Variants in CTNNA3 observed in about 807,000 individuals in gnomAD.
CTNNA3 encodes catenin alpha-3.
Under a neutral mutation model 95.7 loss-of-function variants are expected in CTNNA3, and 76 were observed. The ratio of observed to expected loss-of-function variants is 0.79; its 90% CI spans 0.66 to 0.96. The LOEUF is 0.96. Among genes scored for constraint, CTNNA3 ranks in the 40% least tolerant of loss-of-function variants. The probability of loss-of-function intolerance (pLI) is 0.00; values close to 1 mark genes in which losing one functional copy is unlikely to be tolerated. For missense variants in CTNNA3, 1,191 were observed against 1,089.8 expected (o/e 1.09, Z -1.31); for synonymous variants, 431 against 374.4 (o/e 1.15, Z -1.74).
intron 5 of CTNNA3, among the ~76,000 whole-genome samples, chr10:67,343,986 T>G (rs1201345441): frequency 6.7e-6 from 1 of 149,810 alleles, no homozygotes; most frequent in African/African-American, 2.4e-5. Flanking sequence ...ATAGCTTTTA[T>G]TATGTTGAAG....
intron 13 of CTNNA3, among the ~76,000 whole-genome samples, chr10:66,226,797 A>T (rs1564787280): frequency 1.3e-5 from 2 of 151,580 alleles, no homozygotes; most frequent in African/African-American, 4.8e-5. Flanking sequence ...ATTCTTAGGT[A>T]TTTTTTTATT....
chr10:67,144,064 G>A (rs969120420), intron 7 of CTNNA3, among the ~76,000 whole-genome samples: 3 of 152,214 alleles, frequency 2.0e-5, no homozygotes, highest in African/African-American at 7.2e-5. Context: ...TGGATGTTGT[G>A]TTAGAAAGCA....
In CTNNA3 at chr10:67,445,090, C is replaced by A. The variant is rs534269800; in HGVS notation, c.579+76752G>T. Among the ~76,000 whole-genome samples the A allele has an allele frequency of 3.3e-5, 5 of 152,000 alleles. No homozygotes were observed. In the East Asian group the frequency reaches 9.7e-4, roughly 29 times the overall value. On this transcript the variant is annotated intron_variant, in intron 5 of 17. Coordinates refer to ENST00000433211, the MANE Select transcript of CTNNA3 (RefSeq NM_013266.4). ...AGGAGGGAGTACTTCCAAACTCATT[C>A]CATGAGGCGAGTATTACCCTGACAC...
At position 66,042,105 on chromosome 10, in the gene CTNNA3, G is replaced by T. The variant is rs551932661; in HGVS notation, c.2159+27203C>A. The stretch of plus-strand genomic sequence containing the variant: ...TTGTATCTCTGAGTCTTTTTGTCAC[G>T]CTGTCTCACTGACCTAGAGAGCACT... On this transcript the variant is annotated intron_variant, in intron 15 of 17. Coordinates refer to ENST00000433211, the MANE Select transcript of CTNNA3 (RefSeq NM_013266.4). 9.1e-4 allele frequency among the ~76,000 whole-genome samples: 138 copies of T among 152,034 alleles called. 1 individual carries two copies. Among genetic ancestry groups the T allele is most frequent in the African/African-American group, 3.0e-3 (124 of 41,458 alleles).
intron 11 of CTNNA3, among the ~76,000 whole-genome samples, chr10:66,400,673 T>C (rs1423112251): frequency 1.3e-5 from 2 of 152,170 alleles, no homozygotes; most frequent in Non-Finnish European, 2.9e-5. Context: ...TTCCCTGCTA[T>C]AATATAAACT....
At chr10:67,702,138 G>A (rs1462260974) in intron 1 of CTNNA3, among the ~76,000 whole-genome samples, 1 of 152,122 alleles carries the variant, frequency 6.6e-6, no homozygotes, top group Non-Finnish European at 1.5e-5. Context: ...AGTCCTGAGT[G>A]ACCTACAAAG....
At chr10:66,116,763 G>T (rs1474374016) in intron 13 of CTNNA3, among the ~76,000 whole-genome samples, 1 of 152,090 alleles carries the variant, frequency 6.6e-6, no homozygotes, top group Admixed American at 6.6e-5. Flanking sequence ...GAGGCCTCAG[G>T]AACCTTACAA....
chr10:66,520,296 G>A (rs1841013719), intron 11 of CTNNA3, among the ~76,000 whole-genome samples: 1 of 126,302 alleles, frequency 7.9e-6, no homozygotes, highest in African/African-American at 2.9e-5. Context: ...CTGTTGCCCA[G>A]GCTGGAGTGT....
intron 7 of CTNNA3, among the ~76,000 whole-genome samples, chr10:67,133,759 T>C (rs1389274392): frequency 6.6e-6 from 1 of 152,084 alleles, no homozygotes. Context: ...AGACCTAACA[T>C]GTAACCATAT....
chr10:67,295,462 G>A (rs769270291), intron 5 of CTNNA3, among the ~76,000 whole-genome samples: 2 of 151,886 alleles, frequency 1.3e-5, no homozygotes, highest in Non-Finnish European at 2.9e-5. Flanking sequence ...TGAGTCACGT[G>A]GGAATTCCAA....
At chr10:66,260,946 C>A (rs764254131) in intron 13 of CTNNA3, among the ~76,000 whole-genome samples, 4 of 152,046 alleles carry the variant, frequency 2.6e-5, no homozygotes, top group Non-Finnish European at 4.4e-5. Flanking sequence ...ACAAAAGTAC[C>A]TGAGTCTTCA....
At chr10:67,419,235 C>T (rs1845653428) in intron 5 of CTNNA3, among the ~76,000 whole-genome samples, 1 of 152,094 alleles carries the variant, frequency 6.6e-6, no homozygotes, top group African/African-American at 2.4e-5. Context: ...ACAATGAAGA[C>T]ATTTAATAAA....
chr10:67,601,166 C>T (rs1383306850), intron 3 of CTNNA3, among the ~76,000 whole-genome samples: 1 of 152,106 alleles, frequency 6.6e-6, no homozygotes, highest in Non-Finnish European at 1.5e-5. Flanking sequence ...TGTTATTCTT[C>T]AATAAACCAT....
intron 7 of CTNNA3, among the ~76,000 whole-genome samples, chr10:67,038,104 A>G (rs923737713): frequency 6.6e-6 from 1 of 152,102 alleles, no homozygotes; most frequent in African/African-American, 2.4e-5. Context: ...ATTTAATAGT[A>G]CTGTTTATAT....
chr10:67,550,884 A>C (rs1841005436), intron 3 of CTNNA3, among the ~76,000 whole-genome samples: 1 of 152,106 alleles, frequency 6.6e-6, no homozygotes, highest in South Asian at 2.1e-4. Context: ...TGAAACTTAC[A>C]GAAGAATTTC....
At chr10:67,740,124 G>A (rs1373055075) in intron 1 of CTNNA3, among the ~76,000 whole-genome samples, 1 of 152,174 alleles carries the variant, frequency 6.6e-6, no homozygotes, top group Non-Finnish European at 1.5e-5. Flanking sequence ...GTTGAAACTG[G>A]ATCCCTTCCT....
chr10:66,160,677 T>C (rs971631094), intron 13 of CTNNA3, among the ~76,000 whole-genome samples: 2 of 152,172 alleles, frequency 1.3e-5, no homozygotes, highest in African/African-American at 4.8e-5. Flanking sequence ...TGAAATGTTC[T>C]ATATATATCT....
At chr10:66,082,178 G>GA (rs1382726860) in intron 14 of CTNNA3, among the ~76,000 whole-genome samples, 322 of 139,562 alleles carry the variant, frequency 2.3e-3, no homozygotes, top group African/African-American at 3.3e-3. Context: ...TAACTACAAA[G>GA]AAAAAAAAAA....
chr10:66,916,192 A>G (rs536172508), intron 7 of CTNNA3, among the ~76,000 whole-genome samples: 4 of 152,362 alleles, frequency 2.6e-5, no homozygotes, highest in Admixed American at 6.5e-5. Context: ...GAGAATGGCA[A>G]CACAGTCTAG....
Sources: gnomAD v4.1 joint callset for allele counts (sites outside exome capture counted in the v4.1 genomes callset) on GRCh38, gnomAD v4.1.1 for gene constraint, MANE v1.5 for transcripts, NCBI Gene and HGNC (gene_info 2026-07-23, HGNC 2026-07-21) for gene names.